The following CRNKL1 variants were observed in gnomAD, a reference collection of about 807,000 sequenced individuals.
CRNKL1 encodes the protein crooked neck-like protein 1.
CRNKL1 carries 35 observed loss-of-function variants against 103.7 expected under a neutral mutation model. The ratio of observed to expected loss-of-function variants is 0.34; its 90% confidence interval spans 0.26 to 0.45. The LOEUF (loss-of-function observed/expected upper bound fraction) is 0.45. Ranked by LOEUF, CRNKL1 falls within the 20% of genes least tolerant of loss-of-function variation. The pLI, the probability that CRNKL1 is intolerant of heterozygous loss-of-function variation, is 1.00. For missense variants in CRNKL1, 645 were observed against 836.0 expected (o/e 0.77, Z 2.82); for synonymous variants, 267 against 282.6 (o/e 0.94, Z 0.55).
At chr20:20,036,661 C>T (rs142690236) in intron 13 of CRNKL1, among the ~76,000 whole-genome samples, 26 of 152,324 alleles carry the variant, frequency 1.7e-4, no homozygotes, top group African/African-American at 5.5e-4. Context: ...CTTAAGAAAA[C>T]GTTTAACGAT....
Position 20,036,069 on chromosome 20 carries a change from A to G in CRNKL1, c.*126T>C. The stretch of plus-strand genomic sequence containing the variant: ...CCAAGAGCATTTAAAAAATAACTTA[A>G]AAAGTAGCCATCAAAGATACCAATC... On this transcript the variant is annotated 3_prime_UTR_variant, in exon 14 of 14. Transcript: ENST00000536226. 1.0e-6 allele frequency: 1 copy of G among 980,924 alleles called. No individual in the cohort carries two copies. The highest frequency in any genetic ancestry group is 1.5e-6 in the Non-Finnish European group (1 of 685,510). The allele number at this position is 980,924 out of a possible 1,614,324, so 60.8% of individuals were successfully genotyped here. A position where few individuals can be genotyped will look rare whatever the true frequency, so the allele number is the denominator to read the frequency against.
At chr20:20,042,250 C>T (rs570272022) in intron 8 of CRNKL1, 75 bp downstream of exon 8, 1 of 1,300,384 alleles carries the variant, frequency 7.7e-7, no homozygotes, top group Admixed American at 2.6e-5. Flanking sequence ...GAATTACAAA[C>T]ATCCACAATA....
At chr20:20,036,812 C>G (rs1433256187) in intron 13 of CRNKL1, among the ~76,000 whole-genome samples, 2 of 152,218 alleles carry the variant, frequency 1.3e-5, no homozygotes, top group Admixed American at 6.5e-5. Flanking sequence ...TGGCCCTGTT[C>G]TAGTTCCAGC....
upstream of CRNKL1, among the ~76,000 whole-genome samples, chr20:20,055,300 A>G (rs1380586196): frequency 6.6e-6 from 1 of 152,188 alleles, no homozygotes; most frequent in Non-Finnish European, 1.5e-5. Context: ...GTGGACTAGA[A>G]TGCCATACCC....
In CRNKL1 at chr20:20,051,169, A is replaced by G. The variant is rs567502958; in HGVS notation, c.52-547T>C. ...AGCTGTGCTGTCCAACACAGTAGCT[A>G]TGAGTCACATGTGGTGAGTACAAAT... On this transcript the variant is annotated intron_variant, in intron 1 of 13. Transcript: ENST00000536226. Among the ~76,000 whole-genome samples the G allele has an allele frequency of 5.9e-5, 9 of 152,360 alleles. No individual in the cohort carries two copies. In the South Asian group the frequency reaches 1.9e-3, roughly 32 times the overall value.
chr20:20,048,922 C>T (rs1473213995), intron 3 of CRNKL1, among the ~76,000 whole-genome samples: 1 of 151,986 alleles, frequency 6.6e-6, no homozygotes, highest in Non-Finnish European at 1.5e-5. Flanking sequence ...CAGGGAGTGG[C>T]ACATACACAG....
In CRNKL1 at chr20:20,036,281, T is replaced by C. The variant is rs2043417591; in HGVS notation, c.1978A>G (p.Met660Val). 1 of 1,614,188 alleles carries C rather than the reference T, an allele frequency of 6.2e-7. No individual in the cohort carries two copies. Among genetic ancestry groups the C allele is most frequent in the South Asian group, 1.1e-5 (1 of 91,092 alleles). Residue 660 changes from methionine (M) to valine (V), a missense_variant, in exon 14 of 14, where the codon ATG becomes GTG. Met to Val is a conservative substitution (Grantham distance 21). This residue lies in a region of CRNKL1 where 582 missense variants were observed against 707.7 expected (regional missense o/e 0.82). Coordinates refer to ENST00000536226, the MANE Select transcript of CRNKL1 (RefSeq NM_001278628.2). ...ANQPNLKLLAMAKLWKKQQQE... is the reference protein window; with the variant it reads ...ANQPNLKLLAVAKLWKKQQQE... ...TGCTGTTTCTTCCACAGTTTGGCCA[T>C]GGCCAGGAGTTTGAGGTTAGGTTGG...
At chr20:20,050,741 G>T in intron 1 of CRNKL1, 119 bp from the exon 2 acceptor site, 1 of 795,798 alleles carries the variant, frequency 1.3e-6, no homozygotes, top group Non-Finnish European at 1.9e-6. Context: ...TGCCCTTTTT[G>T]TATGACATGT....
At chr20:20,047,997 A>T in intron 4 of CRNKL1, 66 bp from the exon 5 acceptor site, 1 of 1,508,446 alleles carries the variant, frequency 6.6e-7, no homozygotes, top group Admixed American at 1.9e-5. Context: ...TGGGAAGAAG[A>T]TTGAAGATTT....
At chr20:20,052,186 A>G in intron 1 of CRNKL1, 106 bp downstream of exon 1, 1 of 963,078 alleles carries the variant, frequency 1.0e-6, no homozygotes, top group South Asian at 1.7e-5. Context: ...TCTCAGGGTG[A>G]GCCTTCTCCC....
At chr20:20,050,668 A>C (rs1161493686) in intron 1 of CRNKL1, 46 bp from the exon 2 acceptor site, 1 of 1,539,882 alleles carries the variant, frequency 6.5e-7, no homozygotes, top group Non-Finnish European at 8.8e-7. Context: ...TGCTCTTCAC[A>C]CAAGGCTTAA....
At chr20:20,036,429 T>G (rs1225051690) in intron 13 of CRNKL1, 67 bp from the exon 14 acceptor site, 1 of 1,452,162 alleles carries the variant, frequency 6.9e-7, no homozygotes, top group Non-Finnish European at 9.5e-7. Flanking sequence ...GAGTGAAGAA[T>G]TTTTACTGGA....
rs1410583835 is a variant in CRNKL1 at position 20,052,456 on chromosome 20, G to A, written c.-114C>T. The A allele has an allele frequency of 1.9e-6, 3 of 1,614,262 alleles. 1 individual carries two copies. The South Asian group carries it at 3.3e-5, about 18-fold the overall frequency. ...GAAAACAAACAGGATCTCGGAACCG[G>A]AAGCGGAACTTGCAGGACTGACCTT... is the stretch of plus-strand genomic sequence containing the variant. On this transcript the variant is annotated 5_prime_UTR_variant, in exon 1 of 14. Transcript: ENST00000536226.
Position 20,042,535 on chromosome 20 carries a change from T to C in CRNKL1, c.973-19A>G. 1 of 1,584,218 alleles carries C rather than the reference T, an allele frequency of 6.3e-7. No individual in the cohort carries two copies. Among genetic ancestry groups the C allele is most frequent in the African/African-American group, 1.4e-5 (1 of 73,318 alleles). On this transcript the variant is annotated intron_variant, in intron 7 of 13. Transcript: ENST00000536226. ...GATTCGCCTAGAAAGACAACCAGTT[T>C]AATAAATAAAAAACAAAACCAAGAG...
Position 20,036,257 on chromosome 20 carries a change from G to C in CRNKL1, c.2002C>G (p.Gln668Glu). 1 of 1,614,212 alleles carries C rather than the reference G, an allele frequency of 6.2e-7. No individual in the cohort carries two copies. The highest frequency in any genetic ancestry group is 8.5e-7 in the Non-Finnish European group (1 of 1,180,034). The change falls in exon 14 of 14, where the codon CAG becomes GAG. Residue 668 changes from glutamine (Q) to glutamate (E), a missense_variant. Physicochemically the swap from Gln to Glu is conservative, Grantham distance 29 (BLOSUM62 2). Around this residue, in one of 2 missense-constraint regions of CRNKL1, gnomAD observed 582 missense variants for 707.7 expected, o/e 0.82. Transcript: ENST00000536226. ...LAMAKLWKKQ[Q>E]QEKEDAEHHP... Reference sequence around the variant, plus strand: ...TGCTCAGCATCCTCCTTTTCCTGCTGCTGTTTCTTCCACAGTTTGGCCATG... The same window carrying C: ...TGCTCAGCATCCTCCTTTTCCTGCTCCTGTTTCTTCCACAGTTTGGCCATG...
chr20:20,041,553 A>G lies in CRNKL1; in HGVS notation c.1224+13T>C, dbSNP rs748906811. On this transcript the variant is annotated intron_variant, in intron 9 of 13. Transcript: ENST00000536226. The stretch of plus-strand genomic sequence containing the variant: ...TGACCTGTTTGAAATGGAACACTTT[A>G]GAGCAAACATACCTTTTTGTGAGGA... 2 of 1,603,282 alleles carry G rather than the reference A, an allele frequency of 1.2e-6. No homozygotes were observed. The highest frequency in any genetic ancestry group is 4.5e-5 in the East Asian group (2 of 44,820).
intron 2 of CRNKL1, 90 bp from the exon 3 acceptor site, chr20:20,049,521 T>C (rs145229039): frequency 1.5e-6 from 1 of 659,826 alleles, no homozygotes; most frequent in East Asian, 2.7e-5. Flanking sequence ...ACTAAAATGG[T>C]TATTCATTTT....
In CRNKL1 at chr20:20,050,566, C is replaced by T. The variant is rs1600255354; in HGVS notation, c.108G>A (p.Glu36=). The change falls in exon 2 of 14, where the codon GAG becomes GAA. Residue 36 remains glutamate (E), a synonymous_variant. Transcript: ENST00000536226. ...VQITAEQLLR[E]AKERELELLP... ...GAAGCTCAAGTTCTCTTTCTTTAGCCTCTCTTAAGAGTTGTTCAGCAGTTA... is the reference window on the plus strand; with the variant it reads ...GAAGCTCAAGTTCTCTTTCTTTAGCTTCTCTTAAGAGTTGTTCAGCAGTTA... The T allele has an allele frequency of 3.1e-6, 5 of 1,613,884 alleles. No individual in the cohort carries two copies. The East Asian group carries it at 8.9e-5, about 29-fold the overall frequency.
At chr20:20,048,906 T>C (rs1316766243) in intron 3 of CRNKL1, among the ~76,000 whole-genome samples, 2 of 151,932 alleles carry the variant, frequency 1.3e-5, no homozygotes, top group Non-Finnish European at 2.9e-5. Flanking sequence ...GGAGACATGA[T>C]ATATTCAGGG....
Sources: allele counts gnomAD v4.1 joint callset (sites outside exome capture counted in the v4.1 genomes callset), GRCh38; gene constraint gnomAD v4.1.1; regional missense constraint gnomAD v4.1.1; transcripts MANE v1.5; gene names NCBI Gene and HGNC (gene_info 2026-07-23, HGNC 2026-07-21).